Variants in AFG1L observed in about 807,000 individuals in gnomAD.
AFG1L encodes AFG1-like ATPase.
In AFG1L, 53 loss-of-function variants were observed where a neutral mutation model predicts 62.2. The observed-to-expected ratio is 0.85, with a 90% CI of 0.68 to 1.07. The LOEUF (loss-of-function observed/expected upper bound fraction) is 1.07. AFG1L is among the 50% of genes least tolerant of loss of function. The probability of loss-of-function intolerance (pLI) is 0.00; values close to 1 mark genes in which losing one functional copy is unlikely to be tolerated. For missense variants in AFG1L, 555 were observed against 590.5 expected, an observed-to-expected ratio of 0.94 and a Z score of 0.62; for synonymous variants, 228 against 210.3, an observed-to-expected ratio of 1.08 and a Z score of -0.73.
Position 108,323,924 on chromosome 6 carries a change from A to T in AFG1L, c.239A>T (p.Asp80Val), listed in dbSNP as rs1420511508. The T allele has an allele frequency of 1.2e-6, 2 of 1,614,026 alleles. No homozygotes were observed. The highest frequency in any genetic ancestry group is 1.7e-6 in the Non-Finnish European group (2 of 1,180,010). ...TGCCATGGACCTCTGGACCACTATG[A>T]TTTTCTGATCAAAGCTCATGAGCTA... ...AVCHGPLDHY[D>V]FLIKAHELKD... The change falls in exon 2 of 13, where the codon GAT becomes GTT. Residue 80 changes from aspartate to valine, a missense_variant. Asp to Val is a radical substitution (Grantham distance 152). Transcript: ENST00000368977.
chr6:108,306,701 C>G (rs986248320), intron 1 of AFG1L, among the ~76,000 whole-genome samples: 3 of 152,162 alleles, frequency 2.0e-5, no homozygotes, highest in African/African-American at 7.2e-5. Context: ...TGTCAGCAGT[C>G]TTTTGTGCTG....
intron 3 of AFG1L, among the ~76,000 whole-genome samples, chr6:108,353,864 T>A (rs971950603): frequency 2.0e-5 from 3 of 152,310 alleles, no homozygotes; most frequent in Admixed American, 6.5e-5. Flanking sequence ...ATTAAAAAAA[T>A]GTTTGGTGGA....
chr6:108,375,614 T>C (rs1329929971), intron 6 of AFG1L, among the ~76,000 whole-genome samples: 1 of 152,226 alleles, frequency 6.6e-6, no homozygotes, highest in Non-Finnish European at 1.5e-5. Flanking sequence ...TCTGTCTATG[T>C]GGTGAATCAC....
chr6:108,494,667 T>A (rs1317555348), intron 10 of AFG1L, among the ~76,000 whole-genome samples: 1 of 152,164 alleles, frequency 6.6e-6, no homozygotes, highest in Non-Finnish European at 1.5e-5. Flanking sequence ...GACTTCATAT[T>A]CGTGAGATTT....
In AFG1L at chr6:108,507,479, C is replaced by T. The variant is rs562788841; in HGVS notation, c.1063-2733C>T. Among the ~76,000 whole-genome samples, 11 of 152,306 alleles carry T rather than the reference C, an allele frequency of 7.2e-5. No individual in the cohort carries two copies. In the East Asian group the frequency reaches 1.7e-3, roughly 24 times the overall value. Reference sequence around the variant, plus strand: ...TGCTAATGTAATGGCAAATGCAGAACCTACTGACAAAGGTATGTAATTTGT... The same window carrying T: ...TGCTAATGTAATGGCAAATGCAGAATCTACTGACAAAGGTATGTAATTTGT... On this transcript the variant is annotated intron_variant, in intron 10 of 12. Transcript: ENST00000368977.
chr6:108,368,802 A>G (rs1458370540), intron 6 of AFG1L, among the ~76,000 whole-genome samples: 1 of 152,222 alleles, frequency 6.6e-6, no homozygotes, highest in Non-Finnish European at 1.5e-5. Flanking sequence ...TAACTAACTG[A>G]GGAAGGACAG....
At chr6:108,427,800 G>C (rs986028823) in intron 7 of AFG1L, among the ~76,000 whole-genome samples, 1 of 152,150 alleles carries the variant, frequency 6.6e-6, no homozygotes, top group Non-Finnish European at 1.5e-5. Flanking sequence ...GGGATTACAG[G>C]CGTGAGCCAC....
At chr6:108,305,230 G>C (rs573738927) in intron 1 of AFG1L, among the ~76,000 whole-genome samples, 1 of 152,282 alleles carries the variant, frequency 6.6e-6, no homozygotes, top group South Asian at 2.1e-4. Flanking sequence ...CAAGGGCCTA[G>C]TCTGAATTCA....
At chr6:108,512,898 G>T (rs367622503) in intron 11 of AFG1L, among the ~76,000 whole-genome samples, 2 of 152,216 alleles carry the variant, frequency 1.3e-5, no homozygotes, top group Middle Eastern at 3.4e-3. Context: ...TATTCATGGA[G>T]ATTTGTGACA....
chr6:108,440,756 G>A (rs1019321716), intron 7 of AFG1L, among the ~76,000 whole-genome samples: 1 of 151,118 alleles, frequency 6.6e-6, no homozygotes, highest in Non-Finnish European at 1.5e-5. Flanking sequence ...AGGAAGCAGA[G>A]GTTGCAGTGA....
intron 2 of AFG1L, among the ~76,000 whole-genome samples, chr6:108,334,144 G>T (rs1468369233): frequency 6.6e-6 from 1 of 151,926 alleles, no homozygotes; most frequent in Non-Finnish European, 1.5e-5. Context: ...AGTAGGTAGG[G>T]CTAAGGCATG....
intron 1 of AFG1L, among the ~76,000 whole-genome samples, chr6:108,315,027 G>T (rs943584447): frequency 4.6e-5 from 7 of 151,864 alleles, no homozygotes; most frequent in Non-Finnish European, 8.8e-5. Flanking sequence ...TTTTAGTAGA[G>T]ACGAGGTTTC....
Position 108,516,658 on chromosome 6 carries a change from C to T in AFG1L, c.1204-3039C>T, listed in dbSNP as rs533957539. Among the ~76,000 whole-genome samples the T allele has an allele frequency of 3.9e-5, 6 of 152,224 alleles. No individual in the cohort carries two copies. The South Asian group carries it at 6.2e-4, about 16-fold the overall frequency. ...TGTTGGAAGTTCTGGCCAGGGCAAT[C>T]GGGCAGGAGACAGAAATAAAGGGTA... On this transcript the variant is annotated intron_variant, in intron 11 of 12. Coordinates refer to ENST00000368977, the MANE Select transcript of AFG1L (RefSeq NM_145315.5).
Position 108,513,290 on chromosome 6 carries a change from G to A in AFG1L, c.1203+2938G>A, listed in dbSNP as rs1046957135. On this transcript the variant is annotated intron_variant, in intron 11 of 12. Coordinates refer to ENST00000368977, the MANE Select transcript of AFG1L (RefSeq NM_145315.5). Reference sequence around the variant, plus strand: ...TGCAGGACAGTGGGTGCAGCGCACCGAGCATGAGCTGAAGCAGGGCGAGGC... The same window carrying A: ...TGCAGGACAGTGGGTGCAGCGCACCAAGCATGAGCTGAAGCAGGGCGAGGC... 2.0e-5 allele frequency among the ~76,000 whole-genome samples: 3 copies of A among 152,340 alleles called. No individual in the cohort carries two copies. In the South Asian group the frequency reaches 6.2e-4, roughly 32 times the overall value.
intron 7 of AFG1L, 64 bp from the exon 8 acceptor site, chr6:108,447,150 G>A (rs1191510067): frequency 4.9e-6 from 4 of 812,302 alleles, no homozygotes; most frequent in South Asian, 4.7e-5. Context: ...TATAGTATAA[G>A]GGAAGGATTG....
chr6:108,380,812 C>T (rs1159265492), intron 6 of AFG1L, among the ~76,000 whole-genome samples: 1 of 152,116 alleles, frequency 6.6e-6, no homozygotes, highest in Non-Finnish European at 1.5e-5. Flanking sequence ...AAATGCTTTC[C>T]CTTGGCCTGG....
Position 108,413,092 on chromosome 6 carries a change from CAAAAA to C in AFG1L, c.807+11043_807+11047del, listed in dbSNP as rs1188252629. On this transcript the variant is annotated intron_variant, in intron 7 of 12. Coordinates refer to ENST00000368977, the MANE Select transcript of AFG1L (RefSeq NM_145315.5). The stretch of plus-strand genomic sequence containing the variant: ...GAAGATCTACCAAGCAAATGGAAAA[CAAAAA>C]AAAAGCAGGGGTTGCAATCCTAGTC... 1.1e-4 allele frequency among the ~76,000 whole-genome samples: 16 copies of C among 149,032 alleles called. No homozygotes were observed. In the East Asian group the frequency reaches 2.9e-3, roughly 27 times the overall value.
rs756480892 is a variant in AFG1L at position 108,347,035 on chromosome 6, T to C, written c.411T>C (p.Asp137=). 6.8e-6 allele frequency: 11 copies of C among 1,613,278 alleles called. No homozygotes were observed. Among genetic ancestry groups the C allele is most frequent in the Non-Finnish European group, 9.3e-6 (11 of 1,179,496 alleles). Residue 137 remains aspartate (D), a synonymous_variant, in exon 3 of 13, where the codon GAT becomes GAC. Transcript: ENST00000368977. ...CAAGGGGCCTGTATGTTTATGGAGATGTTGGTAAGTGTGTTAAAATAAGTT... is the reference window on the plus strand; with the variant it reads ...CAAGGGGCCTGTATGTTTATGGAGACGTTGGTAAGTGTGTTAAAATAAGTT... ...KPPRGLYVYG[D]VGTGKTMVMD... is the part of the protein sequence containing the mutation.
At chr6:108,313,160 G>A (rs1314457986) in intron 1 of AFG1L, among the ~76,000 whole-genome samples, 1 of 152,112 alleles carries the variant, frequency 6.6e-6, no homozygotes, top group Non-Finnish European at 1.5e-5. Context: ...AGCTGAAACG[G>A]TGGAGTCAGG....
Sources: gnomAD v4.1 joint callset for allele counts (sites outside exome capture counted in the v4.1 genomes callset) on GRCh38, gnomAD v4.1.1 for gene constraint, MANE v1.5 for transcripts, NCBI Gene and HGNC (gene_info 2026-07-23, HGNC 2026-07-21) for gene names.